Variants in ASPH observed in about 807,000 individuals in gnomAD.
The protein encoded by ASPH is aspartyl/asparaginyl beta-hydroxylase.
In ASPH, 100 loss-of-function variants were observed where a neutral mutation model predicts 118.4. The ratio of observed to expected loss-of-function variants is 0.84; its 90% CI spans 0.72 to 1.00. The LOEUF (loss-of-function observed/expected upper bound fraction) is 1.00, where lower values mean the gene tolerates loss of function less well. Ranked by LOEUF, ASPH falls within the 50% of genes least tolerant of loss-of-function variation. The probability of loss-of-function intolerance (pLI) is 0.00; values close to 1 mark genes in which losing one functional copy is unlikely to be tolerated. For missense variants in ASPH, 920 were observed against 919.5 expected (o/e 1.00, Z -0.01); for synonymous variants, 315 against 325.6 (o/e 0.97, Z 0.35).
chr8:61,693,241 A>G (rs1833093249), intron 1 of ASPH, among the ~76,000 whole-genome samples: 1 of 151,846 alleles, frequency 6.6e-6, no homozygotes, highest in African/African-American at 2.4e-5. Context: ...TATATCCAAC[A>G]CTCATTCTTA....
intron 21 of ASPH, among the ~76,000 whole-genome samples, chr8:61,539,564 G>A (rs1203622115): frequency 6.6e-6 from 1 of 152,096 alleles, no homozygotes; most frequent in Non-Finnish European, 1.5e-5. Flanking sequence ...TTACTGGGAA[G>A]CTGCTGATCA....
intron 3 of ASPH, among the ~76,000 whole-genome samples, chr8:61,654,492 G>A (rs1184338943): frequency 6.6e-6 from 1 of 152,182 alleles, no homozygotes; most frequent in African/African-American, 2.4e-5. Context: ...TGCATGGACA[G>A]CCTGCGGCAG....
At chr8:61,636,474 C>T (rs1681855180) in intron 12 of ASPH, among the ~76,000 whole-genome samples, 2 of 152,010 alleles carry the variant, frequency 1.3e-5, no homozygotes, top group South Asian at 4.2e-4. Flanking sequence ...ACAGGGAAAA[C>T]AAGGTTGGTT....
chr8:61,532,583 A>T (rs1817985651), intron 21 of ASPH, among the ~76,000 whole-genome samples: 1 of 152,104 alleles, frequency 6.6e-6, no homozygotes, highest in Admixed American at 6.5e-5. Flanking sequence ...TTTCCATGTC[A>T]TATCCACAAA....
At chr8:61,702,998 T>C (rs189177187) in intron 1 of ASPH, among the ~76,000 whole-genome samples, 17 of 152,220 alleles carry the variant, frequency 1.1e-4, no homozygotes, top group African/African-American at 4.1e-4. Context: ...GACCCACATC[T>C]AACATAAACA....
chr8:61,643,490 C>G (rs2150980752), intron 8 of ASPH, 57 bp from the exon 9 acceptor site: 1 of 1,500,142 alleles, frequency 6.7e-7, no homozygotes, highest in East Asian at 2.3e-5. Context: ...CATTGCCAGA[C>G]AGCATTCTAG....
At chr8:61,706,919 T>A (rs566870163) in intron 1 of ASPH, among the ~76,000 whole-genome samples, 2 of 152,306 alleles carry the variant, frequency 1.3e-5, no homozygotes, top group South Asian at 4.1e-4. Context: ...TGGCCCTTTT[T>A]AAAAAACAAT....
At chr8:61,587,896 T>A (rs1839939515) in intron 14 of ASPH, among the ~76,000 whole-genome samples, 1 of 152,128 alleles carries the variant, frequency 6.6e-6, no homozygotes, top group South Asian at 2.1e-4. Context: ...AAATGAGTCC[T>A]CATTCAGGCT....
intron 24 of ASPH, among the ~76,000 whole-genome samples, chr8:61,515,898 G>T (rs1810721729): frequency 6.6e-6 from 1 of 152,068 alleles, no homozygotes; most frequent in South Asian, 2.1e-4. Flanking sequence ...TTTATCTTTT[G>T]GGTGGGCTGC....
intron 2 of ASPH, among the ~76,000 whole-genome samples, chr8:61,681,273 A>G (rs941842435): frequency 2.0e-5 from 3 of 151,820 alleles, no homozygotes; most frequent in Non-Finnish European, 4.4e-5. Context: ...TAAAACTGAC[A>G]CAGCATTATC....
intron 18 of ASPH, among the ~76,000 whole-genome samples, chr8:61,559,255 TA>T (rs1276795686): frequency 1.3e-5 from 2 of 152,334 alleles, no homozygotes; most frequent in East Asian, 3.9e-4. Flanking sequence ...GAATATAACA[TA>T]TAGTACATAT....
At chr8:61,698,193 C>G (rs1472116823) in intron 1 of ASPH, among the ~76,000 whole-genome samples, 1 of 152,196 alleles carries the variant, frequency 6.6e-6, no homozygotes, top group Non-Finnish European at 1.5e-5. Flanking sequence ...AGGGCTGCCA[C>G]AAGGTCAGGT....
rs371705771 is a variant in ASPH at position 61,597,928 on chromosome 8, C to T, written c.977-13899G>A. ...AGGACAATATCTGCCACCATGAAAACACACCAAAGTATAAACAAAGTATAA... is the reference window on the plus strand; with the variant it reads ...AGGACAATATCTGCCACCATGAAAATACACCAAAGTATAAACAAAGTATAA... On this transcript the variant is annotated intron_variant, in intron 14 of 24. Transcript: ENST00000379454. Among the ~76,000 whole-genome samples the T allele has an allele frequency of 5.8e-4, 89 of 152,272 alleles. 1 individual carries two copies. The South Asian group carries it at 0.018, about 31-fold the overall frequency.
At chr8:61,694,076 A>C (rs1455467589) in intron 1 of ASPH, among the ~76,000 whole-genome samples, 1 of 152,128 alleles carries the variant, frequency 6.6e-6, no homozygotes, top group Non-Finnish European at 1.5e-5. Flanking sequence ...TGACTATGTC[A>C]AACTTCTCTG....
chr8:61,666,615 C>T (rs1405023167), intron 3 of ASPH, among the ~76,000 whole-genome samples: 1 of 152,200 alleles, frequency 6.6e-6, no homozygotes, highest in Non-Finnish European at 1.5e-5. Flanking sequence ...GCAGTGCTCA[C>T]TAAAAGCACT....
chr8:61,602,940 C>G (rs913972341), intron 14 of ASPH, among the ~76,000 whole-genome samples: 1 of 151,986 alleles, frequency 6.6e-6, no homozygotes, highest in Non-Finnish European at 1.5e-5. Context: ...TGCCTGTAAT[C>G]CCAGCACTTT....
chr8:61,630,476 A>T (rs945141140), intron 13 of ASPH, among the ~76,000 whole-genome samples: 1 of 152,242 alleles, frequency 6.6e-6, no homozygotes, highest in Non-Finnish European at 1.5e-5. Flanking sequence ...CTTAAGACTT[A>T]TAGAAAATAA....
intron 13 of ASPH, among the ~76,000 whole-genome samples, chr8:61,632,267 T>C (rs1294881074): frequency 1.3e-5 from 2 of 152,208 alleles, no homozygotes; most frequent in African/African-American, 4.8e-5. Context: ...AGTATAGAAA[T>C]TTTTGGTCTG....
At chr8:61,559,117 T>C (rs1323225141) in intron 18 of ASPH, among the ~76,000 whole-genome samples, 1 of 152,248 alleles carries the variant, frequency 6.6e-6, no homozygotes, top group African/African-American at 2.4e-5. Context: ...AGGCATACTA[T>C]GCATACTAAT....
Sources: allele counts gnomAD v4.1 joint callset (sites outside exome capture counted in the v4.1 genomes callset), GRCh38; gene constraint gnomAD v4.1.1; transcripts MANE v1.5; gene names NCBI Gene and HGNC (gene_info 2026-07-23, HGNC 2026-07-21).